The following FKTN variants were observed in gnomAD, a reference collection of about 807,000 sequenced individuals.
FKTN encodes the protein fukutin, also known as ribitol-5-phosphate transferase FKTN.
In FKTN, 47 loss-of-function variants were observed where a neutral mutation model predicts 58.6. The observed-to-expected ratio is 0.80, with a 90% CI of 0.63 to 1.02. The LOEUF (loss-of-function observed/expected upper bound fraction) is 1.02, where lower values mean the gene tolerates loss of function less well. Among genes scored for constraint, FKTN ranks in the 50% least tolerant of loss-of-function variants. The pLI, the probability that FKTN is intolerant of heterozygous loss-of-function variation, is 0.00. For synonymous variants in FKTN, 178 were observed against 191.9 expected (o/e 0.93, Z 0.60); for missense variants, 516 against 537.3 (o/e 0.96, Z 0.39).
At position 105,636,448 on chromosome 9, in the gene FKTN, T is replaced by G. The variant is rs1443865485; in HGVS notation, c.*1184T>G. On this transcript the variant is annotated 3_prime_UTR_variant, in exon 11 of 11. Coordinates refer to ENST00000357998, the MANE Select transcript of FKTN (RefSeq NM_001079802.2). Reference sequence around the variant, plus strand: ...TTGTAAAGTTTGTGTCCCTCCCCAGTTTTTCAGTCTGTTGAATGTCGATGG... The same window carrying G: ...TTGTAAAGTTTGTGTCCCTCCCCAGGTTTTCAGTCTGTTGAATGTCGATGG... The G allele has an allele frequency of 1.0e-6, 1 of 989,612 alleles. No homozygotes were observed. Among genetic ancestry groups the G allele is most frequent in the Admixed American group, 6.0e-5 (1 of 16,628 alleles). 61.3% of individuals were successfully genotyped at this position (989,612 alleles called of 1,614,324 possible).
At chr9:105,593,613 GAGAA>G (rs1482608669) in intron 3 of FKTN, among the ~76,000 whole-genome samples, 1 of 152,084 alleles carries the variant, frequency 6.6e-6, no homozygotes, top group Non-Finnish European at 1.5e-5. Context: ...TTTAAAGGGG[GAGAA>G]AGAAAGTGCC....
chr9:105,618,843 G>T (rs928275963), intron 9 of FKTN, among the ~76,000 whole-genome samples: 1 of 152,186 alleles, frequency 6.6e-6, no homozygotes, highest in Admixed American at 6.5e-5. Context: ...GCCGAGGCGG[G>T]TGGATCATGA....
At chr9:105,614,848 A>G (rs1830520246) in intron 7 of FKTN, among the ~76,000 whole-genome samples, 1 of 151,378 alleles carries the variant, frequency 6.6e-6, no homozygotes, top group South Asian at 2.1e-4. Flanking sequence ...TAAAAAGATT[A>G]TATGGGGTTA....
chr9:105,560,979 C>T (rs570080254), intron 1 of FKTN, among the ~76,000 whole-genome samples: 7 of 151,856 alleles, frequency 4.6e-5, no homozygotes, highest in East Asian at 1.9e-4. Flanking sequence ...CCCAGCTACT[C>T]GGGAGGCTGA....
intron 10 of FKTN, among the ~76,000 whole-genome samples, chr9:105,621,879 A>C (rs1832026856): frequency 6.6e-6 from 1 of 152,078 alleles, no homozygotes; most frequent in Non-Finnish European, 1.5e-5. Flanking sequence ...TGCAGTCACT[A>C]TCTCTGTCCA....
chr9:105,572,727 C>T (rs909432653), intron 1 of FKTN, among the ~76,000 whole-genome samples: 6 of 152,194 alleles, frequency 3.9e-5, no homozygotes, highest in African/African-American at 1.4e-4. Context: ...GTGAGTGGCC[C>T]TTTGCTGCCT....
chr9:105,569,873 T>G (rs1587829583), intron 1 of FKTN, among the ~76,000 whole-genome samples: 1 of 152,186 alleles, frequency 6.6e-6, no homozygotes, highest in African/African-American at 2.4e-5. Context: ...CAATACTTTT[T>G]CTTTTCTTTT....
intron 3 of FKTN, among the ~76,000 whole-genome samples, chr9:105,581,521 G>C (rs936752477): frequency 0.01 from 1,514 of 151,126 alleles, 27 homozygotes; most frequent in African/African-American, 0.032. Flanking sequence ...GCAGTCTGCC[G>C]GTTCTCAGAT....
chr9:105,605,910 A>G (rs1258716533), intron 6 of FKTN, among the ~76,000 whole-genome samples: 1 of 152,196 alleles, frequency 6.6e-6, no homozygotes, highest in African/African-American at 2.4e-5. Context: ...GTTTAATACA[A>G]AGGATAAATG....
chr9:105,590,330 T>A (rs1430729186), intron 3 of FKTN, among the ~76,000 whole-genome samples: 1 of 152,216 alleles, frequency 6.6e-6, no homozygotes, highest in Non-Finnish European at 1.5e-5. Context: ...ACCTTTCACC[T>A]TCTGCCATGA....
At position 105,596,652 on chromosome 9, in the gene FKTN, C is replaced by T. The variant is rs1732812627; in HGVS notation, c.160C>T (p.Gln54Ter). The T allele has an allele frequency of 6.2e-7, 1 of 1,602,684 alleles. No individual in the cohort carries two copies. Among genetic ancestry groups the T allele is most frequent in the Non-Finnish European group, 8.5e-7 (1 of 1,169,866 alleles). ...KGSRIGFDST[Q>*]WRAVKKFIML... ...AAGCCGAATTGGATTTGATAGCACA[C>T]AGTGGGTATGTAGAATAAACAAGAA... Residue 54 changes from glutamine (Q) to a stop codon, truncating the protein, a stop_gained, in exon 4 of 11, where the codon CAG (glutamine) becomes TAG (stop). Transcript: ENST00000357998. LOFTEE classifies it high-confidence loss of function.
In FKTN at chr9:105,635,309, T is replaced by C; in HGVS notation, c.*45T>C. On this transcript the variant is annotated 3_prime_UTR_variant, in exon 11 of 11. Transcript: ENST00000357998. ...AGAATTTCTCTTTTGGAAAAAAAGG[T>C]AGATAACTGTTTAAAAAATACATGT... The C allele has an allele frequency of 1.2e-6, 2 of 1,613,160 alleles. No homozygotes were observed. The highest frequency in any genetic ancestry group is 1.7e-6 in the Non-Finnish European group (2 of 1,179,524).
chr9:105,592,462 C>G (rs914067272), intron 3 of FKTN, among the ~76,000 whole-genome samples: 2 of 151,998 alleles, frequency 1.3e-5, no homozygotes, highest in Non-Finnish European at 2.9e-5. Context: ...TATGGTGAAA[C>G]CCTGTCTCTA....
At chr9:105,562,327 G>GCC in intron 1 of FKTN, among the ~76,000 whole-genome samples, 1 of 152,208 alleles carries the variant, frequency 6.6e-6, no homozygotes, top group Non-Finnish European at 1.5e-5. Flanking sequence ...CTGCTGGTTG[G>GCC]CTGGGGATGT....
rs1716695878 is a variant in FKTN, at chr9:105,639,825, G to A, written c.*4561G>A. 8.0e-7 allele frequency: 1 copy of A among 1,253,874 alleles called. No homozygotes were observed. Among genetic ancestry groups the A allele is most frequent in the African/African-American group, 1.5e-5 (1 of 65,182 alleles). 77.7% of individuals were successfully genotyped at this position (1,253,874 alleles called of 1,614,324 possible). A position where few individuals can be genotyped will look rare whatever the true frequency, so the allele number is the denominator to read the frequency against. ...TATTATCCCATATGCTACCTAGTTT[G>A]CTGGTCCCAAGCAGTTTACTGTACT... On this transcript the variant is annotated 3_prime_UTR_variant, in exon 11 of 11. Transcript: ENST00000357998.
chr9:105,630,798 T>C (rs1833329273), intron 10 of FKTN, among the ~76,000 whole-genome samples: 1 of 152,184 alleles, frequency 6.6e-6, no homozygotes, highest in Admixed American at 6.5e-5. Context: ...ATAAATTTTA[T>C]AATTAACCAA....
At chr9:105,586,917 TGTTAA>T (rs1317628579) in intron 3 of FKTN, among the ~76,000 whole-genome samples, 1 of 152,222 alleles carries the variant, frequency 6.6e-6, no homozygotes, top group African/African-American at 2.4e-5. Context: ...GGTCCAGATA[TGTTAA>T]GTTTCTTAAG....
chr9:105,582,735 GA>G (rs1421237476), intron 3 of FKTN, among the ~76,000 whole-genome samples: 2 of 152,240 alleles, frequency 1.3e-5, no homozygotes, highest in African/African-American at 4.8e-5. Flanking sequence ...TCCTAGAGTA[GA>G]AATTCTAGAT....
rs140992011 is a variant in FKTN, at chr9:105,563,446, C to A, written c.-181+5281C>A. 9.1e-3 allele frequency among the ~76,000 whole-genome samples: 1,387 copies of A among 152,314 alleles called. 24 individuals are homozygous for A. The highest frequency in any genetic ancestry group is 0.032 in the African/African-American group (1,330 of 41,560). ...ATGGCACCTGGAAAATCGGGTCACT[C>A]CCACCCTAATACTGTGCTTTTCCGA... On this transcript the variant is annotated intron_variant, in intron 1 of 10. Coordinates refer to ENST00000357998, the MANE Select transcript of FKTN (RefSeq NM_001079802.2).
Sources: gnomAD v4.1 joint callset for allele counts (sites outside exome capture counted in the v4.1 genomes callset) on GRCh38, gnomAD v4.1.1 for gene constraint, MANE v1.5 for transcripts, NCBI Gene and HGNC (gene_info 2026-07-23, HGNC 2026-07-21) for gene names.